PDZRN3: variants seen among roughly 807,000 people sequenced by gnomAD.
PDZRN3 encodes the protein E3 ubiquitin-protein ligase PDZRN3.
In PDZRN3, 38 loss-of-function variants were observed where a neutral mutation model predicts 85.7. The observed-to-expected ratio is 0.44, with a 90% CI of 0.34 to 0.58. The LOEUF is 0.58. Among genes scored for constraint, PDZRN3 ranks in the 20% least tolerant of loss-of-function variants. The pLI, the probability that PDZRN3 is intolerant of heterozygous loss-of-function variation, is 0.01. For synonymous variants in PDZRN3, 759 were observed against 638.0 expected (o/e 1.19, Z -2.86); for missense variants, 1,629 against 1,506.4 (o/e 1.08, Z -1.35).
At chr3:73,423,569 A>T (rs1443277065) in intron 3 of PDZRN3, among the ~76,000 whole-genome samples, 1 of 152,266 alleles carries the variant, frequency 6.6e-6, no homozygotes, top group Non-Finnish European at 1.5e-5. Flanking sequence ...ATGTAAACTT[A>T]GGAAATGTGT....
intron 3 of PDZRN3, among the ~76,000 whole-genome samples, chr3:73,504,314 T>G (rs972943061): frequency 1.3e-5 from 2 of 152,192 alleles, no homozygotes; most frequent in African/African-American, 4.8e-5. Context: ...AGGAAACATA[T>G]TCTCTTGGAC....
intron 3 of PDZRN3, chr3:73,556,912 T>G (rs9818035): frequency 0.87 from 132,622 of 152,596 alleles, 57,634 homozygotes; most frequent in East Asian, 0.9. Context: ...CCTCCTGGCA[T>G]CTGCCCCTTG....
intron 3 of PDZRN3, among the ~76,000 whole-genome samples, chr3:73,451,236 T>A (rs902669161): frequency 6.6e-6 from 1 of 152,128 alleles, no homozygotes; most frequent in Non-Finnish European, 1.5e-5. Context: ...TAATTAATGG[T>A]GTCTTTCAGG....
chr3:73,532,289 C>A (rs181068526), intron 3 of PDZRN3, among the ~76,000 whole-genome samples: 2 of 152,222 alleles, frequency 1.3e-5, no homozygotes, highest in African/African-American at 2.4e-5. Flanking sequence ...GCGTGAGGTA[C>A]GACGCCCAGC....
intron 3 of PDZRN3, among the ~76,000 whole-genome samples, chr3:73,488,054 A>AG (rs1292506828): frequency 7.9e-6 from 1 of 126,508 alleles, no homozygotes; most frequent in Non-Finnish European, 1.6e-5. Flanking sequence ...TTATATTTCA[A>AG]GGGGGCAAAT....
In PDZRN3 at chr3:73,407,011, G is replaced by T. The variant is rs146347804; in HGVS notation, c.919-2616C>A. Among the ~76,000 whole-genome samples the T allele has an allele frequency of 1.9e-3, 284 of 152,334 alleles. 3 individuals carry two copies. Among genetic ancestry groups the T allele is most frequent in the African/African-American group, 6.3e-3 (263 of 41,582 alleles). On this transcript the variant is annotated intron_variant, in intron 3 of 9. Transcript: ENST00000263666. ...AGAACTCTTTGTTACCTTTCTACCA[G>T]ATCCTATATCTTTCCCTCTGGGGGA...
chr3:73,525,979 T>TA (rs1704513189), intron 3 of PDZRN3, among the ~76,000 whole-genome samples: 2 of 152,160 alleles, frequency 1.3e-5, no homozygotes, highest in South Asian at 4.1e-4. Flanking sequence ...AGCCACACAT[T>TA]AGGATGTCAT....
At chr3:73,441,664 C>G (rs1702639404) in intron 3 of PDZRN3, among the ~76,000 whole-genome samples, 1 of 152,090 alleles carries the variant, frequency 6.6e-6, no homozygotes, top group Admixed American at 6.6e-5. Flanking sequence ...CTGCAAATGG[C>G]AGAAATGAGA....
chr3:73,437,178 A>G (rs1702547556), intron 3 of PDZRN3, among the ~76,000 whole-genome samples: 1 of 152,140 alleles, frequency 6.6e-6, no homozygotes. Context: ...TAAAATAGCA[A>G]TAACAAACCC....
At chr3:73,616,132 T>A (rs911915902) in intron 1 of PDZRN3, among the ~76,000 whole-genome samples, 1 of 152,312 alleles carries the variant, frequency 6.6e-6, no homozygotes, top group Non-Finnish European at 1.5e-5. Context: ...CTCCATGTAA[T>A]CTCTGCACAT....
chr3:73,469,186 A>G (rs1291853481), intron 3 of PDZRN3, among the ~76,000 whole-genome samples: 1 of 151,658 alleles, frequency 6.6e-6, no homozygotes, highest in Non-Finnish European at 1.5e-5. Context: ...CAATTCTCTG[A>G]CTCAGCCTCC....
chr3:73,472,360 C>T (rs1703361343), intron 3 of PDZRN3, among the ~76,000 whole-genome samples: 1 of 152,222 alleles, frequency 6.6e-6, no homozygotes, highest in Non-Finnish European at 1.5e-5. Flanking sequence ...GATCTCACCA[C>T]TGACCATTCT....
chr3:73,488,238 C>T (rs1307082899), intron 3 of PDZRN3, among the ~76,000 whole-genome samples: 1 of 152,034 alleles, frequency 6.6e-6, no homozygotes, highest in Admixed American at 6.6e-5. Flanking sequence ...AGAAATTAAC[C>T]CAAGATGGGG....
intron 3 of PDZRN3, among the ~76,000 whole-genome samples, chr3:73,519,446 G>C (rs1462275074): frequency 6.6e-6 from 1 of 152,192 alleles, no homozygotes. Flanking sequence ...CTGGGGCAAA[G>C]ATGAGAGAAA....
intron 3 of PDZRN3, among the ~76,000 whole-genome samples, chr3:73,595,188 A>C (rs1347664700): frequency 1.3e-5 from 2 of 152,222 alleles, no homozygotes; most frequent in Non-Finnish European, 2.9e-5. Context: ...CTAATAACTG[A>C]TCTCTAAAAT....
intron 3 of PDZRN3, among the ~76,000 whole-genome samples, chr3:73,438,985 T>C (rs1334812826): frequency 6.6e-6 from 1 of 152,210 alleles, no homozygotes; most frequent in Non-Finnish European, 1.5e-5. Context: ...CTCAATTCCA[T>C]CTCCTTCAGG....
At chr3:73,393,712 A>G (rs1367134296) in intron 5 of PDZRN3, among the ~76,000 whole-genome samples, 1 of 152,076 alleles carries the variant, frequency 6.6e-6, no homozygotes, top group African/African-American at 2.4e-5. Flanking sequence ...AGGTATGAGT[A>G]TTTTCGTTCC....
At chr3:73,445,251 C>A (rs1383470605) in intron 3 of PDZRN3, among the ~76,000 whole-genome samples, 1 of 152,040 alleles carries the variant, frequency 6.6e-6, no homozygotes, top group Non-Finnish European at 1.5e-5. Flanking sequence ...CAGGACATGC[C>A]CTCGTAGTAG....
At chr3:73,475,461 C>A (rs186602662) in intron 3 of PDZRN3, among the ~76,000 whole-genome samples, 15 of 152,340 alleles carry the variant, frequency 9.8e-5, no homozygotes, top group South Asian at 6.2e-4. Context: ...GGTTCCCCCC[C>A]CAACTCTGAA....
Sources: gnomAD v4.1 joint callset for allele counts (sites outside exome capture counted in the v4.1 genomes callset) on GRCh38, gnomAD v4.1.1 for gene constraint, MANE v1.5 for transcripts, NCBI Gene and HGNC (gene_info 2026-07-23, HGNC 2026-07-21) for gene names.